Variants in LCTL observed in about 807,000 individuals in gnomAD.
LCTL encodes the protein lactase-like protein.
LCTL carries 76 observed loss-of-function variants against 75.8 expected under a neutral mutation model. The ratio of observed to expected loss-of-function variants is 1.00; its 90% CI spans 0.83 to 1.21. LCTL has a LOEUF of 1.21. LCTL is among the 50% of genes most tolerant of loss of function. The probability of loss-of-function intolerance (pLI) is 0.00; values close to 1 mark genes in which losing one functional copy is unlikely to be tolerated. For missense variants in LCTL, 670 were observed against 712.4 expected, an observed-to-expected ratio of 0.94 and a Z score of 0.68; for synonymous variants, 271 against 268.8, an observed-to-expected ratio of 1.01 and a Z score of -0.08.
chr15:66,560,014 G>C (rs1447994886), intron 6 of LCTL, among the ~76,000 whole-genome samples: 2 of 152,090 alleles, frequency 1.3e-5, no homozygotes, highest in African/African-American at 4.8e-5. Context: ...TTGAACCCGG[G>C]AGGCGGAGGT....
In LCTL at chr15:66,562,653, C is replaced by T. The variant is rs537093145; in HGVS notation, c.480+863G>A. Among the ~76,000 whole-genome samples, 222 of 151,496 alleles carry T rather than the reference C, an allele frequency of 1.5e-3. 1 individual carries two copies. The highest frequency in any genetic ancestry group is 6.8e-3 in the Middle Eastern group (2 of 294). Reference sequence around the variant, plus strand: ...AGGCTGGAGTGCAATGGCATAATCTCGGCTCACTGCAATCTTTGCTTCCCG... The same window carrying T: ...AGGCTGGAGTGCAATGGCATAATCTTGGCTCACTGCAATCTTTGCTTCCCG... On this transcript the variant is annotated intron_variant, in intron 4 of 12. Transcript: ENST00000341509.
chr15:66,564,290 G>A, intron 2 of LCTL: 2 of 510,006 alleles, frequency 3.9e-6, no homozygotes. Flanking sequence ...GAGGAAAGTG[G>A]GTGCTGAGGA....
chr15:66,558,669 T>TTGTGTG (rs1163022765), intron 6 of LCTL, among the ~76,000 whole-genome samples: 4 of 137,886 alleles, frequency 2.9e-5, no homozygotes, highest in African/African-American at 8.2e-5. Context: ...TCTGTGGTTT[T>TTGTGTG]TGTGTGTGTG....
rs546482968 is a variant in LCTL at position 66,556,422 on chromosome 15, A to G, written c.922+1300T>C. Among the ~76,000 whole-genome samples, 4 of 152,292 alleles carry G rather than the reference A, an allele frequency of 2.6e-5. No individual in the cohort carries two copies. In the South Asian group the frequency reaches 8.3e-4, roughly 32 times the overall value. On this transcript the variant is annotated intron_variant, in intron 8 of 12. Transcript: ENST00000341509. ...CAGGTTCAAGTGATTCTCCTGCCTCAGCCTCCCAAGTAGTTGGGATTACAG... is the reference window on the plus strand; with the variant it reads ...CAGGTTCAAGTGATTCTCCTGCCTCGGCCTCCCAAGTAGTTGGGATTACAG...
chr15:66,548,225 A>G (rs555081103), exon 13 of LCTL: 7 of 257,148 alleles, frequency 2.7e-5, no homozygotes, highest in Non-Finnish European at 5.2e-5. Flanking sequence ...CATTTTTGTA[A>G]ATAATTCATA....
At chr15:66,564,813 C>A in exon 2 of LCTL, 1 of 1,612,808 alleles carries the variant, frequency 6.2e-7, no homozygotes, top group Non-Finnish European at 8.5e-7. Context: ...GTCTGGTAGG[C>A]AGAACTGCCC....
exon 2 of LCTL, chr15:66,564,714 T>C: frequency 6.2e-7 from 1 of 1,613,638 alleles, no homozygotes; most frequent in Non-Finnish European, 8.5e-7. Context: ...ACATCTGCCG[T>C]CTCATTCCCA....
At position 66,551,660 on chromosome 15, in the gene LCTL, A is replaced by C; in HGVS notation, c.1524+2T>G. On this transcript the variant is annotated splice_donor_variant, in intron 11 of 12. Transcript: ENST00000341509. LOFTEE classifies it high-confidence loss of function. The stretch of plus-strand genomic sequence containing the variant: ...ACAGATAACATTGATAATGAGGCCT[A>C]CCTCTCTTGGATTGGGAAACCCATT... 6.2e-7 allele frequency: 1 copy of C among 1,611,456 alleles called. No individual in the cohort carries two copies. Among genetic ancestry groups the C allele is most frequent in the Non-Finnish European group, 8.5e-7 (1 of 1,177,760 alleles).
Position 66,557,754 on chromosome 15 carries a change from C to T in LCTL, c.890G>A (p.Gly297Asp), listed in dbSNP as rs568229007. 6 of 1,614,024 alleles carry T rather than the reference C, an allele frequency of 3.7e-6. No individual in the cohort carries two copies. In the South Asian group the frequency reaches 6.6e-5, roughly 18 times the overall value. Reference sequence around the variant, plus strand: ...GTCCTTCATGACTTGGGGGTAGTCACCGGCATAAATGGGGTTGGCAAACCA... The same window carrying T: ...GTCCTTCATGACTTGGGGGTAGTCATCGGCATAAATGGGGTTGGCAAACCA... Residue 297 changes from glycine (G) to aspartate (D), a missense_variant, in exon 8 of 13, where the codon GGT (glycine) becomes GAT (aspartate). Coordinates refer to ENST00000341509, the Ensembl canonical transcript of LCTL.
rs779333016 is a variant in LCTL at position 66,557,755 on chromosome 15, C to T, written c.889G>A (p.Gly297Ser). 3.1e-5 allele frequency: 50 copies of T among 1,613,854 alleles called. No individual in the cohort carries two copies. Among genetic ancestry groups the T allele is most frequent in the African/African-American group, 4.0e-5 (3 of 74,852 alleles). Residue 297 changes from glycine (G) to serine (S), a missense_variant, in exon 8 of 13, where the codon GGT (glycine) becomes AGT (serine). Physicochemically the swap from Gly to Ser is moderately conservative, Grantham distance 56. Coordinates refer to ENST00000341509, the Ensembl canonical transcript of LCTL. Reference sequence around the variant, plus strand: ...TCCTTCATGACTTGGGGGTAGTCACCGGCATAAATGGGGTTGGCAAACCAG... The same window carrying T: ...TCCTTCATGACTTGGGGGTAGTCACTGGCATAAATGGGGTTGGCAAACCAG...
intron 12 of LCTL, 178 bp from the exon 14 acceptor site, chr15:66,548,783 TA>T: frequency 2.3e-6 from 1 of 427,206 alleles, no homozygotes; most frequent in Non-Finnish European, 4.2e-6. Context: ...TTGAAAATGT[TA>T]TAAGAGCTTT....
rs2140854041 is a variant in LCTL, at chr15:66,563,631, G to C, written c.371-6C>G. On this transcript the variant is annotated splice_polypyrimidine_tract_variant and splice_region_variant and intron_variant, in intron 3 of 12. Transcript: ENST00000341509. ...CTTCTTGTTCACCTGCTCGGCTGCA[G>C]GTGAAATAAAAGAAGATGCTACCAG... 1.3e-6 allele frequency: 2 copies of C among 1,593,972 alleles called. No individual in the cohort carries two copies. The highest frequency in any genetic ancestry group is 4.1e-4 in the Middle Eastern group (2 of 4,838).
intron 12 of LCTL, chr15:66,549,609 T>G (rs1895520216): frequency 6.5e-6 from 1 of 153,318 alleles, no homozygotes; most frequent in African/African-American, 2.4e-5. Context: ...GTTTTGTTCC[T>G]GGCTATATCT....
intron 9 of LCTL, among the ~76,000 whole-genome samples, chr15:66,552,691 A>G (rs1006476068): frequency 9.4e-5 from 9 of 95,648 alleles, no homozygotes; most frequent in African/African-American, 2.4e-4. Flanking sequence ...AAAAAAAAAC[A>G]TTGTTGGAGG....
intron 6 of LCTL, among the ~76,000 whole-genome samples, chr15:66,559,852 C>T (rs1377870883): frequency 2.0e-5 from 3 of 151,866 alleles, no homozygotes; most frequent in African/African-American, 4.8e-5. Context: ...TTTGGGATGC[C>T]GAGGTAAGGG....
intron 2 of LCTL, 85 bp from the exon 4 acceptor site, chr15:66,564,083 A>G (rs1347730298): frequency 2.3e-6 from 2 of 866,498 alleles, no homozygotes; most frequent in Non-Finnish European, 3.9e-6. Flanking sequence ...GCCGAGGCTC[A>G]CTCTTGTCTG....
chr15:66,550,518 T>C (rs1895557922), intron 11 of LCTL, among the ~76,000 whole-genome samples: 1 of 152,194 alleles, frequency 6.6e-6, no homozygotes, highest in Non-Finnish European at 1.5e-5. Flanking sequence ...TCTTGCTCTG[T>C]TGCCCAGGCT....
chr15:66,551,324 C>T (rs984532730), intron 11 of LCTL, among the ~76,000 whole-genome samples: 4 of 118,052 alleles, frequency 3.4e-5, no homozygotes, highest in African/African-American at 1.3e-4. Context: ...TCCAACCTGG[C>T]GACAGAGTGA....
intron 8 of LCTL, among the ~76,000 whole-genome samples, chr15:66,556,298 C>T (rs550329553): frequency 6.6e-6 from 1 of 152,018 alleles, no homozygotes; most frequent in African/African-American, 2.4e-5. Flanking sequence ...TATATACAGA[C>T]AATGGAAATT....
Sources: gnomAD v4.1 joint callset for allele counts (sites outside exome capture counted in the v4.1 genomes callset) on GRCh38, gnomAD v4.1.1 for gene constraint, MANE v1.5 for transcripts, NCBI Gene and HGNC (gene_info 2026-07-23, HGNC 2026-07-21) for gene names.